CTNND2: variants seen among roughly 807,000 people sequenced by gnomAD.
CTNND2 encodes the protein catenin delta-2.
In CTNND2, 22 loss-of-function variants were observed where a neutral mutation model predicts 144.4. The ratio of observed to expected loss-of-function variants is 0.15; its 90% CI spans 0.11 to 0.22. The LOEUF is 0.22. Ranked by LOEUF, CTNND2 falls within the 10% of genes least tolerant of loss-of-function variation. The probability of loss-of-function intolerance (pLI) is 1.00; values close to 1 mark genes in which losing one functional copy is unlikely to be tolerated. For synonymous variants in CTNND2, 751 were observed against 695.6 expected (o/e 1.08, Z -1.25); for missense variants, 1,353 against 1,618.8 (o/e 0.84, Z 2.82).
At chr5:11,461,425 T>C (rs1766209613) in intron 3 of CTNND2, among the ~76,000 whole-genome samples, 1 of 152,150 alleles carries the variant, frequency 6.6e-6, no homozygotes, top group African/African-American at 2.4e-5. Flanking sequence ...CTATTTGCAC[T>C]AAGATGCAAA....
intron 6 of CTNND2, among the ~76,000 whole-genome samples, chr5:11,388,592 A>G (rs1192690818): frequency 6.6e-6 from 1 of 152,234 alleles, no homozygotes; most frequent in African/African-American, 2.4e-5. Flanking sequence ...CTTTGGTTAA[A>G]CAGAGAAATT....
chr5:11,411,939 A>T, intron 4 of CTNND2, 96 bp downstream of exon 4: 1 of 994,480 alleles, frequency 1.0e-6, no homozygotes, highest in Non-Finnish European at 1.6e-6. Flanking sequence ...ATGTTTTCCT[A>T]TTACTTTTCT....
chr5:11,004,770 C>T (rs1029320231), intron 18 of CTNND2, among the ~76,000 whole-genome samples: 1 of 88,856 alleles, frequency 1.1e-5, no homozygotes, highest in Non-Finnish European at 2.3e-5. Context: ...CTCCTTCTCA[C>T]AAAAAAAAAA....
At chr5:11,268,909 TA>T (rs1235510744) in intron 9 of CTNND2, among the ~76,000 whole-genome samples, 1 of 152,224 alleles carries the variant, frequency 6.6e-6, no homozygotes, top group Admixed American at 6.5e-5. Context: ...AGGTTTTCAG[TA>T]GGATTCTCAT....
At chr5:11,878,982 G>A (rs184852517) in intron 1 of CTNND2, among the ~76,000 whole-genome samples, 13 of 152,228 alleles carry the variant, frequency 8.5e-5, no homozygotes, top group Admixed American at 7.2e-4. Context: ...AGGCCTCCTC[G>A]CTCTTTGATT....
intron 14 of CTNND2, among the ~76,000 whole-genome samples, chr5:11,102,653 G>C (rs868260733): frequency 6.6e-6 from 1 of 152,022 alleles, no homozygotes; most frequent in East Asian, 1.9e-4. Flanking sequence ...AAACTGTATA[G>C]AATTGAAAAT....
intron 1 of CTNND2, among the ~76,000 whole-genome samples, chr5:11,780,801 C>G (rs1258320970): frequency 6.6e-6 from 1 of 152,092 alleles, no homozygotes; most frequent in East Asian, 1.9e-4. Context: ...TGATGCTTTT[C>G]CTGTGACTGC....
chr5:11,367,448 G>T (rs887916598), intron 7 of CTNND2, among the ~76,000 whole-genome samples: 3 of 152,168 alleles, frequency 2.0e-5, no homozygotes, highest in Admixed American at 2.0e-4. Flanking sequence ...AATGTTTTCT[G>T]GGAATCTGCT....
intron 16 of CTNND2, among the ~76,000 whole-genome samples, chr5:11,056,233 A>C (rs1161423384): frequency 6.6e-6 from 1 of 152,244 alleles, no homozygotes; most frequent in East Asian, 1.9e-4. Context: ...ATAAATGCCT[A>C]GCCTTGAGTC....
At chr5:11,306,042 T>C (rs999686712) in intron 9 of CTNND2, among the ~76,000 whole-genome samples, 1 of 152,244 alleles carries the variant, frequency 6.6e-6, no homozygotes, top group Admixed American at 6.5e-5. Flanking sequence ...ACTTTATACT[T>C]GTTCTTAAAT....
chr5:11,437,759 A>T (rs1404988734), intron 3 of CTNND2, among the ~76,000 whole-genome samples: 1 of 152,214 alleles, frequency 6.6e-6, no homozygotes, highest in African/African-American at 2.4e-5. Flanking sequence ...CCAGTTGATA[A>T]ACTGGGGAAC....
At chr5:11,093,662 T>C (rs963772338) in intron 15 of CTNND2, among the ~76,000 whole-genome samples, 4 of 152,184 alleles carry the variant, frequency 2.6e-5, no homozygotes, top group African/African-American at 9.7e-5. Flanking sequence ...ATTTTACCTC[T>C]ACATTTCTGT....
At chr5:11,847,228 G>GATCTAAAA (rs1362287387) in intron 1 of CTNND2, among the ~76,000 whole-genome samples, 1 of 139,462 alleles carries the variant, frequency 7.2e-6, no homozygotes, top group Non-Finnish European at 1.5e-5. Context: ...TATAGAAATC[G>GATCTAAAA]ATCTAAAAGT....
rs1782857579 is a variant in CTNND2 at position 11,655,369 on chromosome 5, G to T, written c.174+76767C>A. The stretch of plus-strand genomic sequence containing the variant: ...TTTCCTGGATCTTTCATTATTTAAG[G>T]TGCAACCACCACCCCCATTCTGCAA... On this transcript the variant is annotated intron_variant, in intron 2 of 21. Transcript: ENST00000304623. 3.3e-5 allele frequency among the ~76,000 whole-genome samples: 5 copies of T among 151,468 alleles called. 1 individual carries two copies. The South Asian group carries it at 1.0e-3, about 31-fold the overall frequency.
At chr5:11,824,299 A>G (rs2126948060) in intron 1 of CTNND2, among the ~76,000 whole-genome samples, 1 of 152,244 alleles carries the variant, frequency 6.6e-6, no homozygotes, top group Middle Eastern at 3.4e-3. Flanking sequence ...AATTCAATCA[A>G]CAAGTGTAAA....
chr5:11,395,003 C>A (rs1759957505), intron 6 of CTNND2, among the ~76,000 whole-genome samples: 1 of 152,126 alleles, frequency 6.6e-6, no homozygotes, highest in Non-Finnish European at 1.5e-5. Flanking sequence ...GGCCTTGTGG[C>A]AATTTATTAT....
intron 1 of CTNND2, among the ~76,000 whole-genome samples, chr5:11,841,330 C>A (rs1794460282): frequency 6.6e-6 from 1 of 151,812 alleles, no homozygotes; most frequent in East Asian, 1.9e-4. Flanking sequence ...AAAACACAAA[C>A]AAAAAAATTA....
chr5:11,787,391 A>G (rs1028216787), intron 1 of CTNND2, among the ~76,000 whole-genome samples: 5 of 152,214 alleles, frequency 3.3e-5, no homozygotes, highest in African/African-American at 1.2e-4. Context: ...GTAATGCATG[A>G]CTTACTAGAA....
chr5:11,089,939 G>A (rs1443221529), intron 15 of CTNND2, among the ~76,000 whole-genome samples: 1 of 152,198 alleles, frequency 6.6e-6, no homozygotes, highest in African/African-American at 2.4e-5. Context: ...AACCAGGGAG[G>A]CAGAGGTTGC....
Sources: gnomAD v4.1 joint callset for allele counts (sites outside exome capture counted in the v4.1 genomes callset) on GRCh38, gnomAD v4.1.1 for gene constraint, MANE v1.5 for transcripts, NCBI Gene and HGNC (gene_info 2026-07-23, HGNC 2026-07-21) for gene names.